MAST1: variants seen among roughly 807,000 people sequenced by gnomAD.
The protein encoded by MAST1 is microtubule-associated serine/threonine-protein kinase 1.
In MAST1, 40 loss-of-function variants were observed where a neutral mutation model predicts 124.6. The ratio of observed to expected loss-of-function variants is 0.32; its 90% CI spans 0.25 to 0.42. The LOEUF (loss-of-function observed/expected upper bound fraction) is 0.42. Among genes scored for constraint, MAST1 ranks in the 10% least tolerant of loss-of-function variants. MAST1 has a pLI of 1.00. For missense variants in MAST1, 1,558 were observed against 2,181.9 expected (o/e 0.71, Z 5.70); for synonymous variants, 938 against 939.4 (o/e 1.00, Z 0.03).
In MAST1 at chr19:12,840,512, C is replaced by T. The variant is rs1489049012; in HGVS notation, c.150C>T (p.His50=). 1.2e-6 allele frequency: 2 copies of T among 1,613,970 alleles called. No individual in the cohort carries two copies. The highest frequency in any genetic ancestry group is 1.7e-6 in the Non-Finnish European group (2 of 1,179,878). The change falls in exon 2 of 26, where the codon CAC becomes CAT. Residue 50 remains histidine (H), a synonymous_variant. Transcript: ENST00000251472. ...TSTSPTLPRP[H]SPLPGHLGSS... ...CTTCACCCACGCTACCGAGACCCCA[C>T]TCCCCGCTGCCAGGTCACCTAGGTG...
chr19:12,840,027 A>T (rs2145881616), intron 1 of MAST1, among the ~76,000 whole-genome samples: 1 of 152,350 alleles, frequency 6.6e-6, no homozygotes, highest in South Asian at 2.1e-4. Context: ...ATCACACAAG[A>T]TAAACCCACG....
chr19:12,867,677 G>A (rs1479516818), intron 19 of MAST1, 25 bp downstream of exon 19: 1 of 1,552,374 alleles, frequency 6.4e-7, no homozygotes, highest in Non-Finnish European at 8.7e-7. Context: ...GGCGGAGTTT[G>A]GGGGCGGGGT....
In MAST1 at chr19:12,847,255, G is replaced by A. The variant is rs1969904600; in HGVS notation, c.328-35G>A. 1.3e-6 allele frequency: 2 copies of A among 1,499,040 alleles called. No homozygotes were observed. Among genetic ancestry groups the A allele is most frequent in the Non-Finnish European group, 1.8e-6 (2 of 1,083,092 alleles). The allele number at this position is 1,499,040 out of a possible 1,614,324, so 92.9% of individuals were successfully genotyped here. On this transcript the variant is annotated intron_variant, in intron 4 of 25. Coordinates refer to ENST00000251472, the MANE Select transcript of MAST1 (RefSeq NM_014975.3). The surrounding 1 kb of genome is among the most constrained non-coding windows in gnomAD (Gnocchi z 5.5). ...GGTCCTGAGCTGTTGGGGGGCCCAT[G>A]GTGGCTCTGACCCCGGCCCTGCCCC...
rs878957996 is a variant in MAST1 at position 12,871,099 on chromosome 19, G to T, written c.3190G>T (p.Ala1064Ser). The change falls in exon 24 of 26, where the codon GCA becomes TCA. Residue 1064 changes from alanine (A) to serine (S), a missense_variant. Ala to Ser is a moderately conservative substitution (Grantham distance 99, BLOSUM62 1). Coordinates refer to ENST00000251472, the MANE Select transcript of MAST1 (RefSeq NM_014975.3). ...FENTSIRIGP[A>S]RRSSYKAKMA... is the part of the protein sequence containing the mutation. Reference sequence around the variant, plus strand: ...AAATACCTCTATCCGCATTGGTCCCGCAAGGCGCAGCAGCTACAAGGCTAA... The same window carrying T: ...AAATACCTCTATCCGCATTGGTCCCTCAAGGCGCAGCAGCTACAAGGCTAA... 4 of 1,614,050 alleles carry T rather than the reference G, an allele frequency of 2.5e-6. No individual in the cohort carries two copies. In the South Asian group the frequency reaches 3.3e-5, roughly 13 times the overall value.
At position 12,863,924 on chromosome 19, in the gene MAST1, C is replaced by CTTT. The variant is rs3064382; in HGVS notation, c.1367-869_1367-867dup. Among the ~76,000 whole-genome samples, 115 of 132,004 alleles carry CTTT rather than the reference C, an allele frequency of 8.7e-4. 2 individuals carry two copies. Among genetic ancestry groups the CTTT allele is most frequent in the South Asian group, 5.4e-3 (22 of 4,048 alleles). The allele number at this position is 132,004 out of a possible 152,430, so 86.6% of individuals were successfully genotyped here. On this transcript the variant is annotated intron_variant, in intron 12 of 25. Coordinates refer to ENST00000251472, the MANE Select transcript of MAST1 (RefSeq NM_014975.3). ...CAATGAAACTCGTTTCTACAAAAAA[C>CTTT]TTTTTTTTTTTTTTTTTTGAGACGG... is the stretch of plus-strand genomic sequence containing the variant.
At position 12,865,526 on chromosome 19, in the gene MAST1, G is replaced by A. The variant is rs374027693; in HGVS notation, c.1804+45G>A. ...ACAGGGGCAGAGTGTGGTGTGCACG[G>A]AGAGATGGACAGGCTCAGGGTTCCA... On this transcript the variant is annotated intron_variant, in intron 15 of 25. Transcript: ENST00000251472. This position sits in a 1 kb window ranked among gnomAD's most constrained non-coding sequence, Gnocchi z 7.1. The A allele has an allele frequency of 6.5e-7, 1 of 1,539,544 alleles. No homozygotes were observed. The highest frequency in any genetic ancestry group is 1.4e-5 in the African/African-American group (1 of 72,634).
In MAST1 at chr19:12,865,971, C is replaced by A. The variant is rs1444442839; in HGVS notation, c.1907-9C>A. 6.2e-7 allele frequency: 1 copy of A among 1,613,874 alleles called. No homozygotes were observed. The highest frequency in any genetic ancestry group is 2.2e-5 in the East Asian group (1 of 44,874). ...CCATCAGCTGTGGCTGGAATCCCTT[C>A]CGTCCCAGGCGGCGCTTTTGAGGTG... On this transcript the variant is annotated splice_polypyrimidine_tract_variant and intron_variant, in intron 16 of 25. Transcript: ENST00000251472. The surrounding 1 kb of genome is among the most constrained non-coding windows in gnomAD (Gnocchi z 7.1).
chr19:12,865,682 C>G lies in MAST1; in HGVS notation c.1805-35C>G, dbSNP rs75385252. On this transcript the variant is annotated intron_variant, in intron 15 of 25. Coordinates refer to ENST00000251472, the MANE Select transcript of MAST1 (RefSeq NM_014975.3). The surrounding 1 kb of genome is among the most constrained non-coding windows in gnomAD (Gnocchi z 7.1). ...TCCTGTGTCCAAACAACAACAACAA[C>G]AAAAACCGCCCCTAAGTTCCGTTTT... The G allele has an allele frequency of 1.4e-6, 2 of 1,422,910 alleles. No homozygotes were observed. Among genetic ancestry groups the G allele is most frequent in the Admixed American group, 3.7e-5 (2 of 54,112 alleles). The allele number at this position is 1,422,910 out of a possible 1,614,324, so 88.1% of individuals were successfully genotyped here.
chr19:12,867,649 A>C lies in MAST1; in HGVS notation c.2315A>C (p.Glu772Ala), dbSNP rs1349500987. The change falls in exon 19 of 26, where the codon GAG becomes GCG. Residue 772 changes from glutamate (E) to alanine (A), a missense_variant. Coordinates refer to ENST00000251472, the MANE Select transcript of MAST1 (RefSeq NM_014975.3). ...AAGACCTGGAGAGGGGGCTCTCCGG[A>C]GATGTGAGCAGGGGAATGGCGGAGT... ...REKTWRGGSP[E>A]IKRFSASEAS... The C allele has an allele frequency of 2.5e-6, 4 of 1,590,052 alleles. No homozygotes were observed. The highest frequency in any genetic ancestry group is 1.1e-5 in the South Asian group (1 of 88,332).
chr19:12,843,056 A>G lies in MAST1; in HGVS notation c.249-473A>G, dbSNP rs1164937031. Among the ~76,000 whole-genome samples the G allele has an allele frequency of 6.6e-6, 1 of 152,148 alleles. No individual in the cohort carries two copies. The highest frequency in any genetic ancestry group is 1.5e-5 in the Non-Finnish European group (1 of 68,032). ...AGCCTGACCTGATAGTCACACCAAC[A>G]TTAATGGATTTGGCTGCAACAGTGA... On this transcript the variant is annotated intron_variant, in intron 3 of 25. Coordinates refer to ENST00000251472, the MANE Select transcript of MAST1 (RefSeq NM_014975.3). The surrounding 1 kb of genome is among the most constrained non-coding windows in gnomAD (Gnocchi z 4.9).
At chr19:12,856,218 A>T (rs1182514901) in intron 10 of MAST1, among the ~76,000 whole-genome samples, 1 of 150,816 alleles carries the variant, frequency 6.6e-6, no homozygotes, top group Middle Eastern at 3.2e-3. Context: ...TTCAAGAAAG[A>T]TATACAGTGA....
At chr19:12,867,681 G>T (rs920471808) in intron 19 of MAST1, 29 bp downstream of exon 19, 1 of 1,549,366 alleles carries the variant, frequency 6.5e-7, no homozygotes, top group East Asian at 2.3e-5. Context: ...GAGTTTGGGG[G>T]CGGGGTCGAA....
At position 12,865,904 on chromosome 19, in the gene MAST1, G is replaced by C; in HGVS notation, c.1907-76G>C. The C allele has an allele frequency of 1.2e-6, 2 of 1,606,904 alleles. No individual in the cohort carries two copies. Among genetic ancestry groups the C allele is most frequent in the Non-Finnish European group, 1.7e-6 (2 of 1,175,218 alleles). On this transcript the variant is annotated intron_variant, in intron 16 of 25. Coordinates refer to ENST00000251472, the MANE Select transcript of MAST1 (RefSeq NM_014975.3). The surrounding 1 kb of genome is among the most constrained non-coding windows in gnomAD (Gnocchi z 7.1). The stretch of plus-strand genomic sequence containing the variant: ...CAGGCCCAGCCTGTGCTGTGGCCCC[G>C]GGGCGGAAGACATGGGGGGCGGGGC...
In MAST1 at chr19:12,855,553, G is replaced by A. The variant is rs145040283; in HGVS notation, c.1078-2809G>A. ...TGTGATATTGGGTACCTGCCCCTTC[G>A]TCATCCATGGCCTCCACCCTGGTCT... On this transcript the variant is annotated intron_variant, in intron 10 of 25. Transcript: ENST00000251472. 4.1e-3 allele frequency among the ~76,000 whole-genome samples: 622 copies of A among 152,244 alleles called. 6 individuals are homozygous for A. Among genetic ancestry groups the A allele is most frequent in the African/African-American group, 0.014 (586 of 41,544 alleles).
chr19:12,859,031 C>G, intron 12 of MAST1: 1 of 500,920 alleles, frequency 2.0e-6, no homozygotes. Flanking sequence ...GTTTTTCCAT[C>G]CATACATCCA....
chr19:12,866,840 C>T lies in MAST1; in HGVS notation c.2139+78C>T. 3 of 1,238,332 alleles carry T rather than the reference C, an allele frequency of 2.4e-6. No individual in the cohort carries two copies. Among genetic ancestry groups the T allele is most frequent in the South Asian group, 1.3e-5 (1 of 78,052 alleles). 76.7% of individuals were successfully genotyped at this position (1,238,332 alleles called of 1,614,324 possible). A position where few individuals can be genotyped will look rare whatever the true frequency, so the allele number is the denominator to read the frequency against. ...TGGAGAGACAGTGAGAAACAGGTTCCCTGGTGCCCAAGGTCTCAGGAGCGG... is the reference window on the plus strand; with the variant it reads ...TGGAGAGACAGTGAGAAACAGGTTCTCTGGTGCCCAAGGTCTCAGGAGCGG... On this transcript the variant is annotated intron_variant, in intron 18 of 25. Coordinates refer to ENST00000251472, the MANE Select transcript of MAST1 (RefSeq NM_014975.3). The surrounding 1 kb of genome is among the most constrained non-coding windows in gnomAD (Gnocchi z 5.2).
chr19:12,872,038 C>T (rs1194700772), intron 24 of MAST1, among the ~76,000 whole-genome samples: 1 of 151,752 alleles, frequency 6.6e-6, no homozygotes, highest in East Asian at 1.9e-4. Flanking sequence ...ATAGGCAGGC[C>T]CAGGAGATGT....
At position 12,874,819 on chromosome 19, in the gene MAST1, A is replaced by C; in HGVS notation, c.4662A>C (p.Pro1554=). 6.3e-7 allele frequency: 1 copy of C among 1,599,372 alleles called. No individual in the cohort carries two copies. The highest frequency in any genetic ancestry group is 8.5e-7 in the Non-Finnish European group (1 of 1,170,608). ...GGTGCCCTGCTGAAGCTGTGCCCCC[A>C]GCAGGCCTGACCAAAAAAGGAGTGT... The part of the protein sequence containing the change: ...TSRCPAEAVP[P]AGLTKKGVSS... The change falls in exon 26 of 26, where the codon CCA becomes CCC. Residue 1554 remains proline, a synonymous_variant. Transcript: ENST00000251472. The surrounding 1 kb of genome is among the most constrained non-coding windows in gnomAD (Gnocchi z 6.6).
chr19:12,874,070 C>A lies in MAST1; in HGVS notation c.3913C>A (p.His1305Asn). 1 of 1,590,038 alleles carries A rather than the reference C, an allele frequency of 6.3e-7. No individual in the cohort carries two copies. The highest frequency in any genetic ancestry group is 8.5e-7 in the Non-Finnish European group (1 of 1,171,844). ...GGACTTCCATGGCGAGCTGGCGCTG[C>A]ATAGCCTTGCCGAGTCCGACGGTGA... The part of the protein sequence containing the change: ...RKDFHGELAL[H>N]SLAESDGETP... Residue 1305 changes from histidine (H) to asparagine (N), a missense_variant, in exon 26 of 26, where the codon CAT (histidine) becomes AAT (asparagine). His to Asn is a moderately conservative substitution (Grantham distance 68, BLOSUM62 1). This residue lies in a region of MAST1 where 263 missense variants were observed against 310.9 expected (regional missense o/e 0.85). Coordinates refer to ENST00000251472, the MANE Select transcript of MAST1 (RefSeq NM_014975.3). The surrounding 1 kb of genome is among the most constrained non-coding windows in gnomAD (Gnocchi z 6.6).
Sources: gnomAD v4.1 joint callset for allele counts (sites outside exome capture counted in the v4.1 genomes callset) on GRCh38, gnomAD v4.1.1 for gene constraint, gnomAD v4.1.1 regional missense constraint, Gnocchi (gnomAD v3.1) non-coding constraint, MANE v1.5 for transcripts, NCBI Gene and HGNC (gene_info 2026-07-23, HGNC 2026-07-21) for gene names.